Variants in SWSAP1 observed in about 807,000 individuals in gnomAD.
SWSAP1 encodes ATPase SWSAP1.
SWSAP1 carries 4 observed loss-of-function variants against 5.6 expected under a neutral mutation model. The observed-to-expected ratio is 0.72, with a 90% CI of 0.35 to 1.64. SWSAP1 has a LOEUF of 1.64. Ranked by LOEUF, SWSAP1 falls within the 40% of genes most tolerant of loss-of-function variation. The pLI is 0.05. For missense variants in SWSAP1, 354 were observed against 319.8 expected, an observed-to-expected ratio of 1.11 and a Z score of -0.82; for synonymous variants, 139 against 143.3, an observed-to-expected ratio of 0.97 and a Z score of 0.22.
In SWSAP1 at chr19:11,374,699, C is replaced by A. The variant is rs771983987; in HGVS notation, c.19C>A (p.Arg7=). Residue 7 remains arginine, a synonymous_variant, in exon 1 of 2, where the codon CGG becomes AGG. Transcript: ENST00000674460. MAETLR[R]VLTRGGAAWS... ...GCGGCGAATGGCGGAGACGCTGAGG[C>A]GGGTGCTAACCAGGGGCGGTGCGGC... 2 of 1,554,862 alleles carry A rather than the reference C, an allele frequency of 1.3e-6. No individual in the cohort carries two copies. Among genetic ancestry groups the A allele is most frequent in the Admixed American group, 2.1e-5 (1 of 47,604 alleles).
At position 11,374,859 on chromosome 19, in the gene SWSAP1, T is replaced by A; in HGVS notation, c.179T>A (p.Phe60Tyr). ...AAGEGQGPVL[F>Y]LTRRPLQSMP... ...GGGGAGGGCCAAGGCCCAGTCCTCT[T>A]CCTGACACGAAGGCCTCTTCAAAGC... Residue 60 changes from phenylalanine to tyrosine, a missense_variant, in exon 1 of 2, where the codon TTC (phenylalanine) becomes TAC (tyrosine). Coordinates refer to ENST00000674460, the MANE Select transcript of SWSAP1 (RefSeq NM_175871.4). 1 of 1,613,848 alleles carries A rather than the reference T, an allele frequency of 6.2e-7. No homozygotes were observed. Among genetic ancestry groups the A allele is most frequent in the Non-Finnish European group, 8.5e-7 (1 of 1,179,994 alleles).
rs1446585024 is a variant in SWSAP1 at position 11,374,685 on chromosome 19, C to G, written c.5C>G (p.Ala2Gly). ...TTGGTCAGAGCTACGCGGCGAATGG[C>G]GGAGACGCTGAGGCGGGTGCTAACC... MAETLRRVLTRG... is the reference protein window; with the variant it reads MGETLRRVLTRG... Residue 2 changes from alanine to glycine, a missense_variant, in exon 1 of 2, where the codon GCG becomes GGG. Physicochemically the swap from Ala to Gly is moderately conservative, Grantham distance 60. Coordinates refer to ENST00000674460, the MANE Select transcript of SWSAP1 (RefSeq NM_175871.4). 8.5e-6 allele frequency: 13 copies of G among 1,528,468 alleles called. No individual in the cohort carries two copies. Among genetic ancestry groups the G allele is most frequent in the Admixed American group, 2.3e-5 (1 of 43,582 alleles). The allele number at this position is 1,528,468 out of a possible 1,614,324, so 94.7% of individuals were successfully genotyped here.
At position 11,376,140 on chromosome 19, in the gene SWSAP1, C is replaced by T; in HGVS notation, c.*124C>T. On this transcript the variant is annotated 3_prime_UTR_variant, in exon 2 of 2. Coordinates refer to ENST00000674460, the MANE Select transcript of SWSAP1 (RefSeq NM_175871.4). ...TGCTTTTTCTCTTTTAAAAGTATAG[C>T]ATTATCTTGTATATATTTTACCCAA... 2.3e-6 allele frequency: 2 copies of T among 857,622 alleles called. No individual in the cohort carries two copies. Among genetic ancestry groups the T allele is most frequent in the South Asian group, 1.8e-5 (1 of 54,908 alleles). The allele number at this position is 857,622 out of a possible 1,614,324, so 53.1% of individuals were successfully genotyped here.
rs753576801 is a variant in SWSAP1 at position 11,375,544 on chromosome 19, G to C, written c.281G>C (p.Arg94Pro). The change falls in exon 2 of 2, where the codon CGA (arginine) becomes CCA (proline). Residue 94 changes from arginine (R) to proline (P), a missense_variant. Transcript: ENST00000674460. Reference sequence around the variant, plus strand: ...CGCTTCCAGTACCCACCCTCAACCCGAGAGCTTTTCCGGCTCCTGTGCTCT... The same window carrying C: ...CGCTTCCAGTACCCACCCTCAACCCCAGAGCTTTTCCGGCTCCTGTGCTCT... ...KIRFQYPPST[R>P]ELFRLLCSAH... 6 of 1,613,482 alleles carry C rather than the reference G, an allele frequency of 3.7e-6. No individual in the cohort carries two copies. In the South Asian group the frequency reaches 6.6e-5, roughly 18 times the overall value.
chr19:11,375,038 A>G (rs1378772885), intron 1 of SWSAP1, 109 bp downstream of exon 1: 19 of 1,432,184 alleles, frequency 1.3e-5, no homozygotes, highest in Middle Eastern at 1.9e-4. Context: ...AGAGCGAGCC[A>G]GGGCAGCCAC....
At chr19:11,375,033 G>T in intron 1 of SWSAP1, 104 bp downstream of exon 1, 1 of 1,464,580 alleles carries the variant, frequency 6.8e-7, no homozygotes. Context: ...GTGGAAGAGC[G>T]AGCCAGGGCA....
In SWSAP1 at chr19:11,375,887, C is replaced by A. The variant is rs367946592; in HGVS notation, c.624C>A (p.Gly208=). Residue 208 remains glycine (G), a synonymous_variant, in exon 2 of 2, where the codon GGC becomes GGA. Transcript: ENST00000674460. The part of the protein sequence containing the change: ...EHGLRACLEP[G]GLGPRTEWWV... ...GCCTCCGAGCCTGCCTGGAGCCAGGCGGGCTGGGCCCCAGAACAGAGTGGT... is the reference window on the plus strand; with the variant it reads ...GCCTCCGAGCCTGCCTGGAGCCAGGAGGGCTGGGCCCCAGAACAGAGTGGT... The A allele has an allele frequency of 3.1e-6, 5 of 1,614,078 alleles. No homozygotes were observed. The highest frequency in any genetic ancestry group is 4.2e-6 in the Non-Finnish European group (5 of 1,179,992).
In SWSAP1 at chr19:11,375,546, G is replaced by T; in HGVS notation, c.283G>T (p.Glu95Ter). 1 of 1,613,594 alleles carries T rather than the reference G, an allele frequency of 6.2e-7. No homozygotes were observed. Among genetic ancestry groups the T allele is most frequent in the Non-Finnish European group, 8.5e-7 (1 of 1,179,730 alleles). The change falls in exon 2 of 2, where the codon GAG becomes TAG. Residue 95 changes from glutamate (E) to a stop codon, truncating the protein, a stop_gained. Transcript: ENST00000674460. LOFTEE classifies it low-confidence loss of function (END_TRUNC). ...CTTCCAGTACCCACCCTCAACCCGAGAGCTTTTCCGGCTCCTGTGCTCTGC... is the reference window on the plus strand; with the variant it reads ...CTTCCAGTACCCACCCTCAACCCGATAGCTTTTCCGGCTCCTGTGCTCTGC... Reference protein sequence around the residue: ...IRFQYPPSTRELFRLLCSAHE... With the variant: ...IRFQYPPSTR
Position 11,375,664 on chromosome 19 carries a change from A to G in SWSAP1, c.401A>G (p.Tyr134Cys). The G allele has an allele frequency of 6.2e-7, 1 of 1,614,052 alleles. No individual in the cohort carries two copies. Among genetic ancestry groups the G allele is most frequent in the Non-Finnish European group, 8.5e-7 (1 of 1,180,020 alleles). Residue 134 changes from tyrosine to cysteine, a missense_variant, in exon 2 of 2, where the codon TAC becomes TGC. Physicochemically the swap from Tyr to Cys is radical, Grantham distance 194. Transcript: ENST00000674460. ...AEDPEPQEAAYLIALLLDTAA... is the reference protein window; with the variant it reads ...AEDPEPQEAACLIALLLDTAA... ...GACCCAGAGCCCCAGGAAGCCGCCT[A>G]CCTCATTGCCTTACTTCTAGACACA...
chr19:11,375,460 G>C, intron 1 of SWSAP1, 53 bp from the exon 2 acceptor site: 2 of 1,546,178 alleles, frequency 1.3e-6, no homozygotes, highest in Non-Finnish European at 1.7e-6. Context: ...TACTTTTAAG[G>C]AGTCTGGCTT....
At position 11,376,083 on chromosome 19, in the gene SWSAP1, T is replaced by C; in HGVS notation, c.*67T>C. 2 of 1,381,746 alleles carry C rather than the reference T, an allele frequency of 1.4e-6. No individual in the cohort carries two copies. The highest frequency in any genetic ancestry group is 1.9e-6 in the Non-Finnish European group (2 of 1,032,250). 85.6% of individuals were successfully genotyped at this position (1,381,746 alleles called of 1,614,324 possible). On this transcript the variant is annotated 3_prime_UTR_variant, in exon 2 of 2. Coordinates refer to ENST00000674460, the MANE Select transcript of SWSAP1 (RefSeq NM_175871.4). The stretch of plus-strand genomic sequence containing the variant: ...GGCTGGAATACTTACCTCAGGGACA[T>C]ATGCAGATCCAAAGACCTAAACAAT...
In SWSAP1 at chr19:11,374,763, C is replaced by T. The variant is rs1350351548; in HGVS notation, c.83C>T (p.Pro28Leu). The T allele has an allele frequency of 1.9e-6, 3 of 1,612,116 alleles. No homozygotes were observed. The highest frequency in any genetic ancestry group is 2.5e-6 in the Non-Finnish European group (3 of 1,179,510). Residue 28 changes from proline to leucine, a missense_variant, in exon 1 of 2, where the codon CCT becomes CTT. Transcript: ENST00000674460. The part of the protein sequence containing the change: ...GEENMPAAGP[P>L]LLLLGTPGSG... Reference sequence around the variant, plus strand: ...GAGAACATGCCTGCCGCCGGACCGCCTTTGCTGCTGCTCGGTACACCAGGA... The same window carrying T: ...GAGAACATGCCTGCCGCCGGACCGCTTTTGCTGCTGCTCGGTACACCAGGA...
rs758861912 is a variant in SWSAP1, at chr19:11,376,045, T to C, written c.*29T>C. ...TTGGTGGGTGACTACCTCTCTGTGC[T>C]TCAGTTTCCCATGGCTGGAATACTT... On this transcript the variant is annotated 3_prime_UTR_variant, in exon 2 of 2. Transcript: ENST00000674460. 5 of 1,540,488 alleles carry C rather than the reference T, an allele frequency of 3.2e-6. No homozygotes were observed. Among genetic ancestry groups the C allele is most frequent in the East Asian group, 4.6e-5 (2 of 43,582 alleles).
intron 1 of SWSAP1, 71 bp downstream of exon 1, chr19:11,375,000 T>A: frequency 6.3e-7 from 1 of 1,576,278 alleles, no homozygotes; most frequent in Admixed American, 1.8e-5. Flanking sequence ...GAGTAACAGG[T>A]AGACAAGCCA....
chr19:11,375,620 A>G lies in SWSAP1; in HGVS notation c.357A>G (p.Leu119=). The change falls in exon 2 of 2, where the codon CTA becomes CTG. Residue 119 remains leucine (L), a synonymous_variant. Transcript: ENST00000674460. The part of the protein sequence containing the change: ...PAPSLLLLDG[L]EEYLAEDPEP... ...CCTCCCTTCTGCTGCTCGACGGCCTAGAAGAGTACCTAGCGGAAGACCCAG... is the reference window on the plus strand; with the variant it reads ...CCTCCCTTCTGCTGCTCGACGGCCTGGAAGAGTACCTAGCGGAAGACCCAG... 6.2e-7 allele frequency: 1 copy of G among 1,614,104 alleles called. No homozygotes were observed. The highest frequency in any genetic ancestry group is 1.1e-5 in the South Asian group (1 of 91,080).
chr19:11,375,622 A>T lies in SWSAP1; in HGVS notation c.359A>T (p.Glu120Val). 1 of 1,614,100 alleles carries T rather than the reference A, an allele frequency of 6.2e-7. No individual in the cohort carries two copies. The highest frequency in any genetic ancestry group is 8.5e-7 in the Non-Finnish European group (1 of 1,180,018). Residue 120 changes from glutamate to valine, a missense_variant, in exon 2 of 2, where the codon GAA becomes GTA. Glu to Val is a moderately radical substitution (Grantham distance 121, BLOSUM62 -2). Coordinates refer to ENST00000674460, the MANE Select transcript of SWSAP1 (RefSeq NM_175871.4). ...APSLLLLDGL[E>V]EYLAEDPEPQ... ...TCCCTTCTGCTGCTCGACGGCCTAG[A>T]AGAGTACCTAGCGGAAGACCCAGAG...
intron 1 of SWSAP1, 94 bp downstream of exon 1, chr19:11,375,023 G>C (rs1331846622): frequency 6.6e-7 from 1 of 1,523,070 alleles, no homozygotes; most frequent in East Asian, 2.3e-5. Context: ...GGAGAGGACG[G>C]TGGAAGAGCG....
In SWSAP1 at chr19:11,375,513, A is replaced by C. The variant is rs1014786264; in HGVS notation, c.250A>C (p.Lys84Gln). Reference sequence around the variant, plus strand: ...CCTTTCCTTCTGTTTCTCCTTCTAGAAGATCCGCTTCCAGTACCCACCCTC... The same window carrying C: ...CCTTTCCTTCTGTTTCTCCTTCTAGCAGATCCGCTTCCAGTACCCACCCTC... ...GTTLDPMRLQKIRFQYPPSTR... is the reference protein window; with the variant it reads ...GTTLDPMRLQQIRFQYPPSTR... Residue 84 changes from lysine (K) to glutamine (Q), a missense_variant and splice_region_variant, in exon 2 of 2, where the codon AAG becomes CAG. By Grantham distance (53) the Lys-to-Gln change is moderately conservative (BLOSUM62 1). Coordinates refer to ENST00000674460, the MANE Select transcript of SWSAP1 (RefSeq NM_175871.4). 9.4e-6 allele frequency: 15 copies of C among 1,601,954 alleles called. No individual in the cohort carries two copies. The highest frequency in any genetic ancestry group is 1.3e-5 in the Non-Finnish European group (15 of 1,173,686).
At chr19:11,375,087 C>CCA (rs1309771506) in intron 1 of SWSAP1, among the ~76,000 whole-genome samples, 158 bp downstream of exon 1, 5 of 152,004 alleles carry the variant, frequency 3.3e-5, no homozygotes, top group African/African-American at 1.2e-4. Flanking sequence ...AGGAGTGGCA[C>CCA]CACGCGGAGC....
Sources: allele counts gnomAD v4.1 joint callset (sites outside exome capture counted in the v4.1 genomes callset), GRCh38; gene constraint gnomAD v4.1.1; transcripts MANE v1.5; gene names NCBI Gene and HGNC (gene_info 2026-07-23, HGNC 2026-07-21).